Variants in ULK4 observed in about 807,000 individuals in gnomAD.
The protein encoded by ULK4 is unc-51 like kinase 4, also known as inactive serine/threonine-protein kinase ULK4.
In ULK4, 133 loss-of-function variants were observed where a neutral mutation model predicts 160.6. The observed-to-expected ratio is 0.83, with a 90% CI of 0.72 to 0.96. The LOEUF is 0.96. ULK4 is among the 40% of genes least tolerant of loss of function. The pLI, the probability that ULK4 is intolerant of heterozygous loss-of-function variation, is 0.00. For synonymous variants in ULK4, 534 were observed against 539.8 expected, an observed-to-expected ratio of 0.99 and a Z score of 0.15; for missense variants, 1,580 against 1,499.5, an observed-to-expected ratio of 1.05 and a Z score of -0.89.
chr3:41,721,286 G>GTTTTT (rs1575606160), intron 22 of ULK4, among the ~76,000 whole-genome samples: 335 of 29,178 alleles, frequency 0.011, 22 homozygotes, highest in African/African-American at 0.051. Context: ...TTTTTTTTTG[G>GTTTTT]GTTTTGAACC....
chr3:41,468,032 T>A (rs1271730331), intron 32 of ULK4, among the ~76,000 whole-genome samples: 1 of 152,206 alleles, frequency 6.6e-6, no homozygotes, highest in Non-Finnish European at 1.5e-5. Context: ...CTGTCTTCAC[T>A]GGGTTAATAG....
At chr3:41,358,170 C>A (rs149624956) in intron 35 of ULK4, among the ~76,000 whole-genome samples, 1 of 152,312 alleles carries the variant, frequency 6.6e-6, no homozygotes, top group South Asian at 2.1e-4. Flanking sequence ...ATGGAGTGGG[C>A]TCCGCAGAAC....
At chr3:41,823,882 G>T (rs1264074080) in intron 18 of ULK4, among the ~76,000 whole-genome samples, 3 of 152,144 alleles carry the variant, frequency 2.0e-5, no homozygotes, top group Non-Finnish European at 4.4e-5. Flanking sequence ...TATACCAAGG[G>T]CTGGGCATGG....
At chr3:41,797,820 C>G (rs185921920) in intron 20 of ULK4, among the ~76,000 whole-genome samples, 3 of 151,212 alleles carry the variant, frequency 2.0e-5, no homozygotes, top group African/African-American at 7.3e-5. Flanking sequence ...AAGATCACAC[C>G]GTTGCACTCC....
chr3:41,799,735 T>C lies in ULK4; in HGVS notation c.2010+397A>G, dbSNP rs561315219. 2.0e-5 allele frequency among the ~76,000 whole-genome samples: 3 copies of C among 152,168 alleles called. No individual in the cohort carries two copies. In the South Asian group the frequency reaches 6.2e-4, roughly 32 times the overall value. ...AAAATAAGCCAGGCCTGGTGGTGCA[T>C]GCCTGTAGTCCCAGCTACTTGGGAG... On this transcript the variant is annotated intron_variant, in intron 20 of 36. Coordinates refer to ENST00000301831, the MANE Select transcript of ULK4 (RefSeq NM_017886.4).
intron 29 of ULK4, 130 bp from the exon 30 acceptor site, chr3:41,663,829 G>T: frequency 1.4e-6 from 1 of 696,588 alleles, no homozygotes; most frequent in Non-Finnish European, 2.4e-6. Context: ...AAAGATTTAA[G>T]TAATTTACCT....
At chr3:41,543,538 G>T (rs2086761846) in intron 32 of ULK4, among the ~76,000 whole-genome samples, 1 of 152,122 alleles carries the variant, frequency 6.6e-6, no homozygotes, top group African/African-American at 2.4e-5. Flanking sequence ...TGTATTTAAT[G>T]AACTATGCCT....
intron 35 of ULK4, among the ~76,000 whole-genome samples, chr3:41,271,479 C>T (rs1008734650): frequency 6.6e-6 from 1 of 151,144 alleles, no homozygotes; most frequent in African/African-American, 2.4e-5. Context: ...GCAACCTCTG[C>T]CTCCTGGGTT....
At chr3:41,432,741 ACAG>A (rs2082941825) in intron 34 of ULK4, among the ~76,000 whole-genome samples, 1 of 152,238 alleles carries the variant, frequency 6.6e-6, no homozygotes, top group Non-Finnish European at 1.5e-5. Context: ...CATAAGATAC[ACAG>A]GTGCCACTCC....
chr3:41,394,311 A>C (rs1339689410), intron 35 of ULK4, among the ~76,000 whole-genome samples: 4 of 152,170 alleles, frequency 2.6e-5, no homozygotes, highest in Non-Finnish European at 4.4e-5. Context: ...AGCATGAGAC[A>C]GGTAGTATCA....
intron 29 of ULK4, among the ~76,000 whole-genome samples, chr3:41,676,981 C>T (rs903662073): frequency 6.8e-6 from 1 of 146,852 alleles, no homozygotes. Context: ...ATCACGGTCA[C>T]CATATCCTCG....
At chr3:41,458,653 A>G (rs1387399739) in intron 33 of ULK4, among the ~76,000 whole-genome samples, 1 of 152,212 alleles carries the variant, frequency 6.6e-6, no homozygotes, top group Non-Finnish European at 1.5e-5. Context: ...TTGCTACACA[A>G]ATCTAGCACA....
chr3:41,508,502 C>T (rs986571111), intron 32 of ULK4, among the ~76,000 whole-genome samples: 2 of 152,160 alleles, frequency 1.3e-5, no homozygotes, highest in Non-Finnish European at 2.9e-5. Context: ...GAAAGCGCCA[C>T]CTCCTGGCTG....
intron 1 of ULK4, among the ~76,000 whole-genome samples, chr3:41,957,680 T>C (rs1363842382): frequency 9.3e-5 from 14 of 149,872 alleles, no homozygotes; most frequent in Non-Finnish European, 1.9e-4. Context: ...ACCATGGTAC[T>C]CCAGCCTGGA....
At chr3:41,437,834 G>T (rs1316295200) in intron 34 of ULK4, among the ~76,000 whole-genome samples, 2 of 152,174 alleles carry the variant, frequency 1.3e-5, no homozygotes, top group Non-Finnish European at 1.5e-5. Flanking sequence ...AAGACTTCTT[G>T]AAGGGATATA....
At chr3:41,396,924 G>C (rs921669088) in intron 35 of ULK4, among the ~76,000 whole-genome samples, 4 of 152,106 alleles carry the variant, frequency 2.6e-5, no homozygotes, top group Admixed American at 2.6e-4. Flanking sequence ...GAGTCAATCT[G>C]TTTATCTCCC....
At chr3:41,508,526 A>G (rs1225945706) in intron 32 of ULK4, among the ~76,000 whole-genome samples, 1 of 152,080 alleles carries the variant, frequency 6.6e-6, no homozygotes, top group Non-Finnish European at 1.5e-5. Flanking sequence ...GTCAACCAAC[A>G]CAAAACAAAA....
intron 22 of ULK4, among the ~76,000 whole-genome samples, chr3:41,748,364 C>T (rs1195365821): frequency 4.0e-5 from 6 of 151,582 alleles, no homozygotes; most frequent in African/African-American, 1.5e-4. Flanking sequence ...TATATTAACA[C>T]TGACAAGAAG....
chr3:41,900,931 A>C, intron 12 of ULK4, 102 bp from the exon 13 acceptor site: 1 of 747,078 alleles, frequency 1.3e-6, no homozygotes, highest in Non-Finnish European at 2.2e-6. Context: ...GTAAAATATC[A>C]CCTATATCAA....
Sources: allele counts gnomAD v4.1 joint callset (sites outside exome capture counted in the v4.1 genomes callset), GRCh38; gene constraint gnomAD v4.1.1; transcripts MANE v1.5; gene names NCBI Gene and HGNC (gene_info 2026-07-23, HGNC 2026-07-21).